TBCK: variants seen among roughly 807,000 people sequenced by gnomAD.
TBCK encodes TBC domain-containing protein kinase-like protein.
In TBCK, 99 loss-of-function variants were observed where a neutral mutation model predicts 113.4. The ratio of observed to expected loss-of-function variants is 0.87; its 90% confidence interval spans 0.74 to 1.03. TBCK has a LOEUF of 1.03. TBCK is among the 50% of genes least tolerant of loss of function. The pLI is 0.00. For synonymous variants in TBCK, 369 were observed against 370.8 expected, an observed-to-expected ratio of 1.00 and a Z score of 0.05; for missense variants, 1,045 against 1,061.3, an observed-to-expected ratio of 0.98 and a Z score of 0.21.
intron 22 of TBCK, among the ~76,000 whole-genome samples, chr4:106,180,036 T>A (rs1235783879): frequency 6.6e-6 from 1 of 152,090 alleles, no homozygotes; most frequent in Non-Finnish European, 1.5e-5. Flanking sequence ...ATCTATTTTA[T>A]CTGATATATG....
At chr4:106,273,119 G>A (rs1219426935) in intron 3 of TBCK, among the ~76,000 whole-genome samples, 1 of 152,132 alleles carries the variant, frequency 6.6e-6, no homozygotes, top group Admixed American at 6.5e-5. Flanking sequence ...CTAAATTAAA[G>A]ACTGGGTCTG....
chr4:106,307,328 C>T (rs1473394202), intron 2 of TBCK, among the ~76,000 whole-genome samples: 1 of 152,008 alleles, frequency 6.6e-6, no homozygotes, highest in Non-Finnish European at 1.5e-5. Context: ...AGTAATGTTA[C>T]AAGGATTAAG....
At chr4:106,287,978 A>T (rs557557257) in intron 3 of TBCK, among the ~76,000 whole-genome samples, 1 of 152,132 alleles carries the variant, frequency 6.6e-6, no homozygotes, top group East Asian at 1.9e-4. Flanking sequence ...ACTAATTCAT[A>T]CTCTTTCTTC....
chr4:106,143,935 A>G (rs1370240801), intron 23 of TBCK, among the ~76,000 whole-genome samples: 4 of 151,940 alleles, frequency 2.6e-5, no homozygotes, highest in Non-Finnish European at 4.4e-5. Context: ...AAAAAAGTAA[A>G]GGCAAAACCC....
chr4:106,165,340 CTTTAG>C (rs893024288), intron 23 of TBCK, among the ~76,000 whole-genome samples: 1 of 151,558 alleles, frequency 6.6e-6, no homozygotes, highest in Admixed American at 6.6e-5. Flanking sequence ...TTTGGCAATT[CTTTAG>C]TTTAGGGATG....
At chr4:106,313,907 T>C (rs3762945) in intron 1 of TBCK, among the ~76,000 whole-genome samples, 23,514 of 152,168 alleles carry the variant, frequency 0.15, 1,920 homozygotes, top group South Asian at 0.25. Flanking sequence ...TACAGCATAT[T>C]TTGCCCTTGG....
chr4:106,160,711 T>C (rs1365629582), intron 23 of TBCK, among the ~76,000 whole-genome samples: 1 of 151,978 alleles, frequency 6.6e-6, no homozygotes, highest in African/African-American at 2.4e-5. Context: ...AGTATGGCAG[T>C]TCCTCAAAAA....
rs938810809 is a variant in TBCK, at chr4:106,046,664, A to G, written c.2588T>C (p.Val863Ala). 6 of 1,609,326 alleles carry G rather than the reference A, an allele frequency of 3.7e-6. No homozygotes were observed. The highest frequency in any genetic ancestry group is 5.1e-6 in the Non-Finnish European group (6 of 1,176,472). ...KHTAEFAAHL[V>A]KMKYPRICIL... ...ACAGATTCTTGGATATTTCATCTTC[A>G]CAAGGTGAGCTGCAAACTGGAAAAA... is the stretch of plus-strand genomic sequence containing the variant. The change falls in exon 26 of 26, where the codon GTG becomes GCG. Residue 863 changes from valine (V) to alanine (A), a missense_variant. Val to Ala is a moderately conservative substitution (Grantham distance 64). Transcript: ENST00000394708.
chr4:106,066,339 C>T (rs1029069353), intron 25 of TBCK, among the ~76,000 whole-genome samples: 22 of 151,744 alleles, frequency 1.4e-4, no homozygotes, highest in Admixed American at 1.3e-3. Flanking sequence ...TGTTAGTTTC[C>T]GAAGATTCAC....
At chr4:106,128,117 G>T (rs1745446802) in intron 23 of TBCK, among the ~76,000 whole-genome samples, 1 of 152,102 alleles carries the variant, frequency 6.6e-6, no homozygotes, top group Admixed American at 6.6e-5. Flanking sequence ...AATGAAAGAT[G>T]ATTCAATATT....
intron 23 of TBCK, among the ~76,000 whole-genome samples, chr4:106,137,440 G>C (rs1303179372): frequency 7.2e-6 from 1 of 139,348 alleles, no homozygotes; most frequent in African/African-American, 2.5e-5. Flanking sequence ...TGCAAGAGGG[G>C]GTACAGGCTT....
At chr4:106,072,677 A>C (rs1737619710) in intron 25 of TBCK, among the ~76,000 whole-genome samples, 1 of 152,198 alleles carries the variant, frequency 6.6e-6, no homozygotes, top group Non-Finnish European at 1.5e-5. Flanking sequence ...CCTGGATAAT[A>C]GCCTGAAGAG....
chr4:106,110,992 T>A (rs1210937494), intron 24 of TBCK, among the ~76,000 whole-genome samples: 1 of 147,482 alleles, frequency 6.8e-6, no homozygotes. Context: ...TATAAAGAGC[T>A]AAAAAAAAAA....
At chr4:106,079,855 G>A (rs1326620470) in intron 25 of TBCK, among the ~76,000 whole-genome samples, 4 of 152,144 alleles carry the variant, frequency 2.6e-5, no homozygotes, top group Non-Finnish European at 4.4e-5. Context: ...TGGAAGGTGA[G>A]GAGGAAGCAG....
At chr4:106,310,237 A>G (rs1768048619) in intron 1 of TBCK, 1 of 152,220 alleles carries the variant, frequency 6.6e-6, no homozygotes, top group Non-Finnish European at 1.5e-5. Flanking sequence ...CAAGGAAGAA[A>G]AGAGAAACAG....
At chr4:106,159,628 A>G (rs895110771) in intron 23 of TBCK, among the ~76,000 whole-genome samples, 2 of 152,108 alleles carry the variant, frequency 1.3e-5, no homozygotes, top group Admixed American at 6.5e-5. Context: ...AGAAATTTAG[A>G]AAGACATAAA....
At chr4:106,145,168 A>G (rs1747628087) in intron 23 of TBCK, among the ~76,000 whole-genome samples, 1 of 152,074 alleles carries the variant, frequency 6.6e-6, no homozygotes, top group Admixed American at 6.5e-5. Flanking sequence ...AAAGACAAAA[A>G]TTAGCTGGGA....
At chr4:106,126,591 A>G (rs1409076312) in intron 23 of TBCK, among the ~76,000 whole-genome samples, 6 of 152,164 alleles carry the variant, frequency 3.9e-5, no homozygotes, top group African/African-American at 7.2e-5. Flanking sequence ...TCATATTTGT[A>G]TCTCGAAAAG....
At chr4:106,124,102 T>C (rs1388111824) in intron 23 of TBCK, among the ~76,000 whole-genome samples, 2 of 151,426 alleles carry the variant, frequency 1.3e-5, no homozygotes, top group South Asian at 2.1e-4. Context: ...AACCTACTCA[T>C]CTGACAAAGG....
Sources: gnomAD v4.1 joint callset for allele counts (sites outside exome capture counted in the v4.1 genomes callset) on GRCh38, gnomAD v4.1.1 for gene constraint, MANE v1.5 for transcripts, NCBI Gene and HGNC (gene_info 2026-07-23, HGNC 2026-07-21) for gene names.